TOX3: variants seen among roughly 807,000 people sequenced by gnomAD.
TOX3 encodes TOX high mobility group box family member 3, also known as CAG trinucleotide repeat-containing gene F9 protein.
A neutral mutation model predicts 64.3 loss-of-function variants in TOX3; 22 were observed. The observed-to-expected ratio is 0.34, with a 90% CI of 0.24 to 0.49. The LOEUF (loss-of-function observed/expected upper bound fraction) is 0.49, where lower values mean the gene tolerates loss of function less well. Among genes scored for constraint, TOX3 ranks in the 20% least tolerant of loss-of-function variants. The probability of loss-of-function intolerance (pLI) is 0.99; values close to 1 mark genes in which losing one functional copy is unlikely to be tolerated. For missense variants in TOX3, 661 were observed against 714.4 expected, an observed-to-expected ratio of 0.93 and a Z score of 0.85; for synonymous variants, 291 against 273.6, an observed-to-expected ratio of 1.06 and a Z score of -0.63.
rs1959764606 is a variant in TOX3 at position 52,436,681 on chromosome 16, T to C, written c.*2544A>G. 6.6e-6 allele frequency: 1 copy of C among 152,210 alleles called. No individual in the cohort carries two copies. Among genetic ancestry groups the C allele is most frequent in the South Asian group, 2.1e-4 (1 of 4,832 alleles). The allele number at this position is 152,210 out of a possible 1,614,324, so 9.4% of individuals were successfully genotyped here. ...AACTGTAGTCATTAAACTTTTTTTT[T>C]CCTCTGGAATTGACCATCAGTGGCT... On this transcript the variant is annotated 3_prime_UTR_variant, in exon 7 of 7. Transcript: ENST00000219746.
intron 3 of TOX3, 90 bp downstream of exon 3, chr16:52,463,844 A>G (rs1321190538): frequency 7.0e-7 from 1 of 1,423,602 alleles, no homozygotes; most frequent in Non-Finnish European, 9.3e-7. Flanking sequence ...GGAACAGGCA[A>G]GAGCACGTTT....
At chr16:52,472,541 C>G (rs1479905305) in intron 1 of TOX3, among the ~76,000 whole-genome samples, 1 of 152,046 alleles carries the variant, frequency 6.6e-6, no homozygotes, top group East Asian at 1.9e-4. Flanking sequence ...TCTAAGTCAC[C>G]TTAACTTGGT....
rs1333254540 is a variant in TOX3, at chr16:52,519,593, A to G, written c.87+27044T>C. The G allele has an allele frequency of 4.9e-6, 7 of 1,422,078 alleles. No homozygotes were observed. The East Asian group carries it at 1.3e-4, about 26-fold the overall frequency. The allele number at this position is 1,422,078 out of a possible 1,614,324, so 88.1% of individuals were successfully genotyped here. On this transcript the variant is annotated intron_variant, in intron 1 of 6. Coordinates refer to ENST00000219746, the MANE Select transcript of TOX3 (RefSeq NM_001080430.4). ...AATGCATCCTAGCTGAGCAGACGAA[A>G]AAAAAAACAACATGGTTGGGCAATC...
At chr16:52,487,591 C>T (rs888722771) in intron 1 of TOX3, among the ~76,000 whole-genome samples, 9 of 152,128 alleles carry the variant, frequency 5.9e-5, no homozygotes, top group African/African-American at 2.2e-4. Flanking sequence ...AAAGTGACAT[C>T]TACTAAAAGA....
At chr16:52,479,451 T>G (rs895366151) in intron 1 of TOX3, among the ~76,000 whole-genome samples, 4 of 152,102 alleles carry the variant, frequency 2.6e-5, no homozygotes, top group Non-Finnish European at 5.9e-5. Flanking sequence ...AGAAGGAAGA[T>G]CAGACCATGA....
At chr16:52,466,156 A>G (rs1332884748) in intron 2 of TOX3, among the ~76,000 whole-genome samples, 5 of 152,254 alleles carry the variant, frequency 3.3e-5, no homozygotes, top group Non-Finnish European at 5.9e-5. Flanking sequence ...TATCACATTA[A>G]CAATACGGAT....
intron 1 of TOX3, among the ~76,000 whole-genome samples, chr16:52,480,078 C>T (rs891335894): frequency 3.9e-5 from 6 of 152,192 alleles, no homozygotes; most frequent in Non-Finnish European, 8.8e-5. Context: ...TCCTTGGGGG[C>T]AGAGGCAATG....
At chr16:52,443,275 T>A (rs1019231468) in intron 6 of TOX3, among the ~76,000 whole-genome samples, 14 of 152,112 alleles carry the variant, frequency 9.2e-5, no homozygotes, top group African/African-American at 3.4e-4. Flanking sequence ...TCTTCCAGAG[T>A]CTGAGAAAGA....
rs974762206 is a variant in TOX3 at position 52,496,990 on chromosome 16, T to C, written c.88-28416A>G. ...TTATCTTGCCCCTAATGTAGACGGA[T>C]GTTAAGTTTAATTTTTGAAGGAAAT... On this transcript the variant is annotated intron_variant, in intron 1 of 6. Coordinates refer to ENST00000219746, the MANE Select transcript of TOX3 (RefSeq NM_001080430.4). 2.0e-5 allele frequency among the ~76,000 whole-genome samples: 3 copies of C among 152,182 alleles called. No homozygotes were observed. In the South Asian group the frequency reaches 6.2e-4, roughly 32 times the overall value.
intron 1 of TOX3, among the ~76,000 whole-genome samples, chr16:52,503,991 C>T (rs565453607): frequency 6.6e-5 from 10 of 152,280 alleles, no homozygotes; most frequent in African/African-American, 1.7e-4. Flanking sequence ...TCATCACTTT[C>T]ATATTCACTA....
chr16:52,523,266 CA>C (rs1279755115), intron 1 of TOX3, among the ~76,000 whole-genome samples: 1 of 152,092 alleles, frequency 6.6e-6, no homozygotes, highest in Non-Finnish European at 1.5e-5. Flanking sequence ...GGGCGTGTGC[CA>C]GGGGTTTCCA....
rs1379854064 is a variant in TOX3, at chr16:52,464,084, T to C, written c.258A>G (p.Leu86=). ...ATGGATCGCTGAGGGCTTGAAAGGG[T>C]AGCAGTACATCCGGCATGCCTAGGG... ...DPALGMPDVL[L]PFQALSDPLP... The change falls in exon 3 of 7, where the codon CTA becomes CTG. Residue 86 remains leucine, a synonymous_variant. Coordinates refer to ENST00000219746, the MANE Select transcript of TOX3 (RefSeq NM_001080430.4). 18 of 1,604,450 alleles carry C rather than the reference T, an allele frequency of 1.1e-5. No individual in the cohort carries two copies. The highest frequency in any genetic ancestry group is 1.4e-5 in the Non-Finnish European group (17 of 1,175,864).
intron 1 of TOX3, among the ~76,000 whole-genome samples, chr16:52,522,794 A>G (rs922466219): frequency 4.7e-4 from 72 of 152,334 alleles, no homozygotes; most frequent in African/African-American, 1.7e-3. Flanking sequence ...CCCTGTTTCC[A>G]AGTACCATGA....
At chr16:52,441,722 A>C (rs1959994950) in intron 6 of TOX3, among the ~76,000 whole-genome samples, 1 of 152,324 alleles carries the variant, frequency 6.6e-6, no homozygotes, top group South Asian at 2.1e-4. Context: ...GTTGGAAACA[A>C]ACTGAGATGT....
chr16:52,545,509 C>T (rs114406223), intron 1 of TOX3, among the ~76,000 whole-genome samples: 2,192 of 152,344 alleles, frequency 0.014, 72 homozygotes, highest in African/African-American at 0.05. Context: ...CCTCCTCTTC[C>T]TGTTATTTAT....
intron 1 of TOX3, among the ~76,000 whole-genome samples, chr16:52,476,612 G>A (rs527639610): frequency 7.8e-4 from 119 of 151,848 alleles, no homozygotes; most frequent in Middle Eastern, 3.4e-3. Context: ...GGTTCTCTTC[G>A]AATACACACC....
chr16:52,450,820 G>T (rs1386728789), intron 3 of TOX3, among the ~76,000 whole-genome samples: 35 of 50,474 alleles, frequency 6.9e-4, no homozygotes, highest in African/African-American at 2.1e-3. Context: ...AAGGAAGGAA[G>T]GAAGGAAGGA....
rs1963206813 is a variant in TOX3 at position 52,546,830 on chromosome 16, C to G, written c.-107G>C. 1.6e-6 allele frequency: 2 copies of G among 1,254,824 alleles called. No individual in the cohort carries two copies. The highest frequency in any genetic ancestry group is 1.6e-5 in the African/African-American group (1 of 63,920). The allele number at this position is 1,254,824 out of a possible 1,614,324, so 77.7% of individuals were successfully genotyped here. On this transcript the variant is annotated 5_prime_UTR_variant, in exon 1 of 7. Transcript: ENST00000219746. ...CCGTCGAGGGCGCCCGGGGGTGGCG[C>G]GTGGGACTCGCGGCCGGAGGGGCGC...
intron 4 of TOX3, among the ~76,000 whole-genome samples, chr16:52,446,778 T>G (rs966431389): frequency 2.0e-5 from 3 of 152,250 alleles, no homozygotes; most frequent in East Asian, 3.9e-4. Flanking sequence ...TTTCTATACT[T>G]GCAGCATTAG....
Sources: allele counts gnomAD v4.1 joint callset (sites outside exome capture counted in the v4.1 genomes callset), GRCh38; gene constraint gnomAD v4.1.1; transcripts MANE v1.5; gene names NCBI Gene and HGNC (gene_info 2026-07-23, HGNC 2026-07-21).